Variants in RNF130 observed in about 807,000 individuals in gnomAD.
The protein encoded by RNF130 is ring finger protein 130.
Under a neutral mutation model 44.6 loss-of-function variants are expected in RNF130, and 21 were observed. The ratio of observed to expected loss-of-function variants is 0.47; its 90% confidence interval spans 0.33 to 0.68. RNF130 has a LOEUF of 0.68. Ranked by LOEUF, RNF130 falls within the 30% of genes least tolerant of loss-of-function variation. The probability of loss-of-function intolerance (pLI) is 0.02; values close to 1 mark genes in which losing one functional copy is unlikely to be tolerated. For missense variants in RNF130, 479 were observed against 560.6 expected, an observed-to-expected ratio of 0.85 and a Z score of 1.47; for synonymous variants, 214 against 210.4, an observed-to-expected ratio of 1.02 and a Z score of -0.15.
intron 2 of RNF130, 88 bp from the exon 3 acceptor site, chr5:180,013,399 T>A: frequency 7.6e-6 from 9 of 1,191,080 alleles, no homozygotes; most frequent in Non-Finnish European, 1.0e-5. Flanking sequence ...AGGTAACTAC[T>A]ATAATGTCTG....
At chr5:180,052,706 G>A (rs1231647130) in intron 1 of RNF130, among the ~76,000 whole-genome samples, 1 of 152,130 alleles carries the variant, frequency 6.6e-6, no homozygotes, top group African/African-American at 2.4e-5. Context: ...GCAACCAAAG[G>A]ACTTTAAGCT....
At chr5:179,995,484 C>T (rs1763180479) in intron 3 of RNF130, among the ~76,000 whole-genome samples, 1 of 152,326 alleles carries the variant, frequency 6.6e-6, no homozygotes, top group Admixed American at 6.5e-5. Context: ...CTTTATAATG[C>T]TAACAGATGC....
intron 2 of RNF130, among the ~76,000 whole-genome samples, chr5:180,015,985 G>C (rs1763717797): frequency 6.6e-6 from 1 of 152,150 alleles, no homozygotes; most frequent in African/African-American, 2.4e-5. Context: ...ACCTGCTCTT[G>C]ATGCAAAAAT....
At chr5:180,025,307 T>C (rs983395878) in intron 2 of RNF130, among the ~76,000 whole-genome samples, 2 of 152,200 alleles carry the variant, frequency 1.3e-5, no homozygotes, top group South Asian at 2.1e-4. Context: ...TTCAAACCCA[T>C]GTAGATCCTT....
chr5:179,954,591 AG>A (rs1196415431), downstream of RNF130, among the ~76,000 whole-genome samples: 1 of 152,158 alleles, frequency 6.6e-6, no homozygotes, highest in Non-Finnish European at 1.5e-5. Context: ...ACTGAGTATG[AG>A]GTTTTTTACG....
intron 8 of RNF130, among the ~76,000 whole-genome samples, chr5:179,957,315 G>A (rs974929193): frequency 3.3e-5 from 5 of 152,206 alleles, no homozygotes; most frequent in Non-Finnish European, 5.9e-5. Flanking sequence ...GGGAAGCTGA[G>A]ACAGAAGAAC....
chr5:179,926,310 T>C (rs1436520347), intron 7 of RNF130, among the ~76,000 whole-genome samples: 1 of 152,208 alleles, frequency 6.6e-6, no homozygotes, highest in Non-Finnish European at 1.5e-5. Context: ...TTTTCCTTTT[T>C]CTGACACGTC....
rs1762732402 is a variant in RNF130 at position 179,977,259 on chromosome 5, G to C, written c.848+944C>G. Reference sequence around the variant, plus strand: ...TCTGAACCACAGCAGGCACAAAGCAGGTATCAGTTCTTTCCATTTTGCATA... The same window carrying C: ...TCTGAACCACAGCAGGCACAAAGCACGTATCAGTTCTTTCCATTTTGCATA... On this transcript the variant is annotated intron_variant, in intron 5 of 8. Coordinates refer to ENST00000521389, the MANE Select transcript of RNF130 (RefSeq NM_018434.6). This position sits in a 1 kb window ranked among gnomAD's most constrained non-coding sequence, Gnocchi z 4.1. The C allele has an allele frequency of 6.6e-6, 1 of 152,276 alleles. No individual in the cohort carries two copies. Among genetic ancestry groups the C allele is most frequent in the Admixed American group, 6.5e-5 (1 of 15,280 alleles). 9.4% of individuals were successfully genotyped at this position (152,276 alleles called of 1,614,324 possible). A position where few individuals can be genotyped will look rare whatever the true frequency, so the allele number is the denominator to read the frequency against.
At chr5:180,036,707 G>A (rs1263928456) in intron 2 of RNF130, among the ~76,000 whole-genome samples, 2 of 152,214 alleles carry the variant, frequency 1.3e-5, no homozygotes, top group African/African-American at 4.8e-5. Context: ...AACCGGAAGT[G>A]CTACCCCTAC....
chr5:179,942,430 G>C (rs917407137), intron 7 of RNF130, among the ~76,000 whole-genome samples: 1 of 152,052 alleles, frequency 6.6e-6, no homozygotes, highest in Admixed American at 6.6e-5. Flanking sequence ...TATATGGTCC[G>C]TATGCTCTTT....
chr5:180,013,128 G>C lies in RNF130; in HGVS notation c.626C>G (p.Ser209Cys), dbSNP rs557473050. 1 of 1,614,022 alleles carries C rather than the reference G, an allele frequency of 6.2e-7. No individual in the cohort carries two copies. The highest frequency in any genetic ancestry group is 8.5e-7 in the Non-Finnish European group (1 of 1,179,990). ...SISFIVLMIISSAWLIFYFIQ... is the reference protein window; with the variant it reads ...SISFIVLMIICSAWLIFYFIQ... ...GAAGTAGAATATGAGCCATGCTGAA[G>C]AAATAATCATCAAAACAATAAAGGA... The change falls in exon 3 of 9, where the codon TCT becomes TGT. Residue 209 changes from serine to cysteine, a missense_variant. Physicochemically the swap from Ser to Cys is moderately radical, Grantham distance 112 (BLOSUM62 -1). Around this residue, in one of 3 missense-constraint regions of RNF130, gnomAD observed 180 missense variants for 275.1 expected, o/e 0.65. Coordinates refer to ENST00000521389, the MANE Select transcript of RNF130 (RefSeq NM_018434.6).
intron 8 of RNF130, among the ~76,000 whole-genome samples, chr5:179,959,454 C>G (rs1033110026): frequency 4.0e-5 from 6 of 151,870 alleles, no homozygotes; most frequent in Admixed American, 1.3e-4. Context: ...AGTGAAACCC[C>G]ATCTCTACTA....
chr5:179,913,165 C>G (rs905439077), exon 8 of RNF130: 1 of 152,290 alleles, frequency 6.6e-6, no homozygotes, highest in Non-Finnish European at 1.5e-5. Context: ...ACCCTCGGCT[C>G]GGGACGGCAG....
chr5:179,940,489 G>A (rs1483821352), intron 7 of RNF130, among the ~76,000 whole-genome samples: 1 of 151,970 alleles, frequency 6.6e-6, no homozygotes, highest in Admixed American at 6.6e-5. Flanking sequence ...CTCCCGCTTT[G>A]GCCTCCCAAA....
intron 2 of RNF130, among the ~76,000 whole-genome samples, chr5:180,020,505 T>C (rs1349255815): frequency 6.6e-6 from 1 of 152,164 alleles, no homozygotes; most frequent in African/African-American, 2.4e-5. Flanking sequence ...ATGCGTCTGC[T>C]GGGAAGCCGA....
chr5:179,920,793 A>ATT (rs1478029401), intron 7 of RNF130, among the ~76,000 whole-genome samples: 183 of 137,340 alleles, frequency 1.3e-3, no homozygotes, highest in Middle Eastern at 3.6e-3. Flanking sequence ...ATATATATAT[A>ATT]TATTTTTTTT....
intron 1 of RNF130, among the ~76,000 whole-genome samples, chr5:180,056,249 T>C (rs1039984782): frequency 9.9e-5 from 10 of 101,142 alleles, no homozygotes; most frequent in African/African-American, 2.4e-4. Context: ...ATAGTATCTG[T>C]GGGGAAAAAA....
intron 3 of RNF130, among the ~76,000 whole-genome samples, chr5:179,985,653 T>G (rs73348244): frequency 1.3e-5 from 2 of 152,224 alleles, no homozygotes; most frequent in Admixed American, 1.3e-4. Flanking sequence ...CGGTCCTCCC[T>G]GTTTTGCAAT....
At chr5:180,004,245 G>A (rs1763413707) in intron 3 of RNF130, among the ~76,000 whole-genome samples, 1 of 152,140 alleles carries the variant, frequency 6.6e-6, no homozygotes, top group African/African-American at 2.4e-5. Context: ...TGGTTTCAAA[G>A]CATTTTCCCG....
Sources: allele counts gnomAD v4.1 joint callset (sites outside exome capture counted in the v4.1 genomes callset), GRCh38; gene constraint gnomAD v4.1.1; regional missense constraint gnomAD v4.1.1; non-coding constraint Gnocchi (gnomAD v3.1); transcripts MANE v1.5; gene names NCBI Gene and HGNC (gene_info 2026-07-23, HGNC 2026-07-21).